The following EYA4 variants were observed in gnomAD, a reference collection of about 807,000 sequenced individuals.
EYA4 encodes protein phosphatase EYA4.
EYA4 carries 31 observed loss-of-function variants against 87.9 expected under a neutral mutation model. That is an observed-to-expected ratio of 0.35 (90% confidence interval 0.27 to 0.48). The LOEUF (loss-of-function observed/expected upper bound fraction) is 0.48. Among genes scored for constraint, EYA4 ranks in the 20% least tolerant of loss-of-function variants. The probability of loss-of-function intolerance (pLI) is 0.99; values close to 1 mark genes in which losing one functional copy is unlikely to be tolerated. For synonymous variants in EYA4, 263 were observed against 270.6 expected, an observed-to-expected ratio of 0.97 and a Z score of 0.28; for missense variants, 678 against 761.4, an observed-to-expected ratio of 0.89 and a Z score of 1.29.
At chr6:133,405,063 A>C (rs1474009129) in intron 3 of EYA4, among the ~76,000 whole-genome samples, 1 of 152,018 alleles carries the variant, frequency 6.6e-6, no homozygotes, top group Non-Finnish European at 1.5e-5. Flanking sequence ...ACTGAGAATC[A>C]TTTCCTAGTG....
intron 2 of EYA4, among the ~76,000 whole-genome samples, chr6:133,335,223 T>C (rs997185156): frequency 1.3e-5 from 2 of 152,222 alleles, no homozygotes; most frequent in Admixed American, 1.3e-4. Context: ...GCAATGCACC[T>C]GTGTATACCT....
chr6:133,324,856 A>C (rs1199724604), intron 2 of EYA4, among the ~76,000 whole-genome samples: 1 of 151,548 alleles, frequency 6.6e-6, no homozygotes, highest in African/African-American at 2.4e-5. Flanking sequence ...TTTTCTTTCA[A>C]GTTTTGTTAG....
At chr6:133,423,481 C>T (rs1450553289) in intron 3 of EYA4, among the ~76,000 whole-genome samples, 2 of 152,126 alleles carry the variant, frequency 1.3e-5, no homozygotes, top group Non-Finnish European at 2.9e-5. Context: ...GTAATGTTTG[C>T]CAGCCTGATA....
In EYA4 at chr6:133,419,821, A is replaced by G. The variant is rs181567576; in HGVS notation, c.84-26809A>G. On this transcript the variant is annotated intron_variant, in intron 3 of 19. Coordinates refer to ENST00000355286, the MANE Select transcript of EYA4 (RefSeq NM_004100.5). ...GGCAGAACACCCCCATGACTGCTTCATCTTGCATCTGTGGTGCCTAGCATG... is the reference window on the plus strand; with the variant it reads ...GGCAGAACACCCCCATGACTGCTTCGTCTTGCATCTGTGGTGCCTAGCATG... Among the ~76,000 whole-genome samples the G allele has an allele frequency of 3.8e-3, 581 of 152,320 alleles. 3 individuals carry two copies. Among genetic ancestry groups the G allele is most frequent in the African/African-American group, 0.013 (536 of 41,570 alleles).
chr6:133,309,012 T>G (rs1215649952), intron 2 of EYA4, among the ~76,000 whole-genome samples: 1 of 152,050 alleles, frequency 6.6e-6, no homozygotes, highest in Non-Finnish European at 1.5e-5. Flanking sequence ...GATATGACTT[T>G]TCATAACTAC....
At chr6:133,258,640 T>C (rs1775544705) in intron 1 of EYA4, among the ~76,000 whole-genome samples, 1 of 152,104 alleles carries the variant, frequency 6.6e-6, no homozygotes, top group Non-Finnish European at 1.5e-5. Flanking sequence ...TGTTCTCTTG[T>C]TCTTTTCTTG....
intron 3 of EYA4, among the ~76,000 whole-genome samples, chr6:133,394,282 GTGTTTTTTTTTTTTTTTTTT>G (rs1298740659): frequency 5.6e-5 from 6 of 107,816 alleles, no homozygotes; most frequent in African/African-American, 2.9e-4. Flanking sequence ...ATATAAGCTT[GTGTTTTTTTTTTTTTTTTTT>G]TTTTTTTTTT....
intron 1 of EYA4, among the ~76,000 whole-genome samples, chr6:133,250,411 G>A (rs982829528): frequency 6.6e-6 from 1 of 152,120 alleles, no homozygotes; most frequent in African/African-American, 2.4e-5. Context: ...GGAGGCCGAG[G>A]CGGATGGATC....
intron 2 of EYA4, among the ~76,000 whole-genome samples, chr6:133,296,817 A>G (rs1778982833): frequency 6.6e-6 from 1 of 152,024 alleles, no homozygotes; most frequent in African/African-American, 2.4e-5. Flanking sequence ...GTCCATGAAA[A>G]TAGGTTTACC....
rs186107962 is a variant in EYA4, at chr6:133,391,478, C to T, written c.83+9037C>T. On this transcript the variant is annotated intron_variant, in intron 3 of 19. Transcript: ENST00000355286. ...ATTATCTCCCTGTTCATCTCTTATT[C>T]ATCTCTGTCCCCTTTGCTTCACCGT... Among the ~76,000 whole-genome samples, 118 of 152,282 alleles carry T rather than the reference C, an allele frequency of 7.7e-4. 1 individual carries two copies. The highest frequency in any genetic ancestry group is 2.7e-3 in the African/African-American group (112 of 41,562).
chr6:133,491,614 C>T (rs774954422), intron 13 of EYA4, among the ~76,000 whole-genome samples: 2 of 151,986 alleles, frequency 1.3e-5, no homozygotes, highest in African/African-American at 4.8e-5. Flanking sequence ...AAGTCCAAAA[C>T]GTGAACACAC....
intron 2 of EYA4, among the ~76,000 whole-genome samples, chr6:133,328,324 C>T (rs73557789): frequency 0.026 from 3,881 of 152,174 alleles, 174 homozygotes; most frequent in African/African-American, 0.089. Context: ...GGTTTTAAAT[C>T]ACTCCTCCAC....
chr6:133,412,602 G>T (rs1252923700), intron 3 of EYA4, among the ~76,000 whole-genome samples: 1 of 152,166 alleles, frequency 6.6e-6, no homozygotes, highest in Admixed American at 6.5e-5. Context: ...GCATGTGTTT[G>T]TTATAGTCTC....
intron 2 of EYA4, among the ~76,000 whole-genome samples, chr6:133,345,383 G>T (rs146849318): frequency 6.6e-6 from 1 of 152,050 alleles, no homozygotes; most frequent in African/African-American, 2.4e-5. Flanking sequence ...AGGAGTATGC[G>T]TAGTAAGTAT....
At chr6:133,356,746 AGTGT>A (rs58234857) in intron 2 of EYA4, among the ~76,000 whole-genome samples, 4,871 of 136,718 alleles carry the variant, frequency 0.036, 87 homozygotes, top group South Asian at 0.064. Context: ...AGCATTATTC[AGTGT>A]GTGTGTGTGT....
chr6:133,356,811 T>A (rs1188636440), intron 2 of EYA4, among the ~76,000 whole-genome samples: 1 of 151,362 alleles, frequency 6.6e-6, no homozygotes. Flanking sequence ...ATTTTATTTT[T>A]ATTTTTTTTG....
At chr6:133,364,827 A>T (rs1192818877) in intron 2 of EYA4, among the ~76,000 whole-genome samples, 1 of 152,222 alleles carries the variant, frequency 6.6e-6, no homozygotes, top group African/African-American at 2.4e-5. Context: ...AATCAACTCA[A>T]AAAGATTTAA....
At position 133,531,166 on chromosome 6, in the gene EYA4, T is replaced by C; in HGVS notation, c.*2361T>C. 6.5e-7 allele frequency: 1 copy of C among 1,534,646 alleles called. No homozygotes were observed. Among genetic ancestry groups the C allele is most frequent in the Non-Finnish European group, 8.7e-7 (1 of 1,146,484 alleles). Reference sequence around the variant, plus strand: ...GAAGCCGGCTGGTTGCATCACCCCGTGCAGTTTCTCACACACATCTCTTTT... The same window carrying C: ...GAAGCCGGCTGGTTGCATCACCCCGCGCAGTTTCTCACACACATCTCTTTT... On this transcript the variant is annotated 3_prime_UTR_variant, in exon 20 of 20. Transcript: ENST00000355286.
In EYA4 at chr6:133,529,746, G is replaced by T. The variant is rs1800900083; in HGVS notation, c.*941G>T. ...ATCCAACCATGAGTGGAAGGTTTGG[G>T]AAAGACTGTGGGACCTTTACTTAGA... is the stretch of plus-strand genomic sequence containing the variant. On this transcript the variant is annotated 3_prime_UTR_variant, in exon 20 of 20. Transcript: ENST00000355286. The T allele has an allele frequency of 1.1e-5, 11 of 985,262 alleles. No individual in the cohort carries two copies. Among genetic ancestry groups the T allele is most frequent in the Non-Finnish European group, 1.3e-5 (11 of 829,816 alleles). 61.0% of individuals were successfully genotyped at this position (985,262 alleles called of 1,614,324 possible).
Sources: gnomAD v4.1 joint callset for allele counts (sites outside exome capture counted in the v4.1 genomes callset) on GRCh38, gnomAD v4.1.1 for gene constraint, MANE v1.5 for transcripts, NCBI Gene and HGNC (gene_info 2026-07-23, HGNC 2026-07-21) for gene names.